ADGRV1: variants seen among roughly 807,000 people sequenced by gnomAD.
The protein encoded by ADGRV1 is G-protein coupled receptor 98.
In ADGRV1, 359 loss-of-function variants were observed where a neutral mutation model predicts 596.2. That is an observed-to-expected ratio of 0.60 (90% confidence interval 0.55 to 0.66). ADGRV1 has a LOEUF of 0.66. ADGRV1 is among the 30% of genes least tolerant of loss of function. The probability of loss-of-function intolerance (pLI) is 0.00; values close to 1 mark genes in which losing one functional copy is unlikely to be tolerated. For synonymous variants in ADGRV1, 2,681 were observed against 2,679.2 expected, an observed-to-expected ratio of 1.00 and a Z score of -0.02; for missense variants, 7,274 against 7,575.6, an observed-to-expected ratio of 0.96 and a Z score of 1.48.
At chr5:90,944,017 C>T (rs1776375324) in intron 83 of ADGRV1, among the ~76,000 whole-genome samples, 1 of 152,066 alleles carries the variant, frequency 6.6e-6, no homozygotes, top group Non-Finnish European at 1.5e-5. Context: ...ATTGTATTTA[C>T]TATATTTGTA....
chr5:91,032,624 A>C (rs1784573123), intron 85 of ADGRV1, among the ~76,000 whole-genome samples: 1 of 151,990 alleles, frequency 6.6e-6, no homozygotes, highest in Non-Finnish European at 1.5e-5. Flanking sequence ...TATATAATTT[A>C]TTCTTTCTTT....
intron 83 of ADGRV1, among the ~76,000 whole-genome samples, chr5:90,874,735 G>A (rs1241061970): frequency 1.3e-5 from 2 of 152,118 alleles, no homozygotes; most frequent in Admixed American, 6.5e-5. Flanking sequence ...GCATGCACCT[G>A]TAGTCTCAGC....
chr5:90,794,302 A>C (rs969908971), intron 70 of ADGRV1, among the ~76,000 whole-genome samples: 3 of 152,232 alleles, frequency 2.0e-5, no homozygotes, highest in Non-Finnish European at 4.4e-5. Flanking sequence ...TTCGAGTGTC[A>C]ACTGTTAGCA....
At chr5:90,870,369 T>C (rs2150492859) in intron 83 of ADGRV1, among the ~76,000 whole-genome samples, 1 of 152,152 alleles carries the variant, frequency 6.6e-6, no homozygotes, top group Non-Finnish European at 1.5e-5. Flanking sequence ...AGGTAGAACA[T>C]TGAAGGAAGA....
chr5:90,579,547 A>G (rs1270782525), intron 1 of ADGRV1, among the ~76,000 whole-genome samples: 2 of 152,198 alleles, frequency 1.3e-5, no homozygotes, highest in Admixed American at 1.3e-4. Context: ...ATTTTAGAAT[A>G]AGTGTGATGT....
chr5:90,675,864 CTAAT>C (rs1213119587), intron 24 of ADGRV1, among the ~76,000 whole-genome samples: 3 of 151,792 alleles, frequency 2.0e-5, no homozygotes, highest in African/African-American at 7.3e-5. Context: ...TCTACTTTAT[CTAAT>C]TAATTGGAGA....
chr5:90,795,770 G>A (rs1189386385), intron 70 of ADGRV1, among the ~76,000 whole-genome samples: 2 of 152,180 alleles, frequency 1.3e-5, no homozygotes, highest in Non-Finnish European at 2.9e-5. Context: ...TCTGGCAGGT[G>A]CCCCGCTGGG....
chr5:90,603,885 T>TACGTGCCTGCACACACGTGTGTGC (rs1175855065), intron 1 of ADGRV1, among the ~76,000 whole-genome samples: 6 of 125,740 alleles, frequency 4.8e-5, no homozygotes, highest in Non-Finnish European at 1.1e-4. Flanking sequence ...CATGTGTGTG[T>TACGTGCCTGCACACACGTGTGTGC]ACGTGCCTGC....
chr5:90,862,034 C>G (rs191148601), intron 82 of ADGRV1, among the ~76,000 whole-genome samples: 6 of 152,270 alleles, frequency 3.9e-5, no homozygotes, highest in African/African-American at 1.4e-4. Flanking sequence ...GAACTGCCAC[C>G]AGGTGTCATG....
intron 83 of ADGRV1, among the ~76,000 whole-genome samples, chr5:90,875,628 T>C (rs1258934878): frequency 6.6e-6 from 1 of 152,194 alleles, no homozygotes; most frequent in Non-Finnish European, 1.5e-5. Flanking sequence ...ACTAGCTTCC[T>C]GGGTCAGGTA....
At chr5:90,928,804 G>C (rs1296229195) in intron 83 of ADGRV1, among the ~76,000 whole-genome samples, 1 of 151,536 alleles carries the variant, frequency 6.6e-6, no homozygotes, top group Non-Finnish European at 1.5e-5. Context: ...GTACAGATGG[G>C]TTTTTGGTGT....
intron 82 of ADGRV1, among the ~76,000 whole-genome samples, chr5:90,858,585 C>T (rs150162789): frequency 1.9e-3 from 294 of 152,098 alleles, no homozygotes; most frequent in African/African-American, 4.1e-3. Flanking sequence ...TGGACTCAAG[C>T]GATCTTTCCA....
At position 90,853,505 on chromosome 5, in the gene ADGRV1, G is replaced by T; in HGVS notation, c.17426G>T (p.Gly5809Val). The T allele has an allele frequency of 6.2e-7, 1 of 1,612,112 alleles. No homozygotes were observed. The highest frequency in any genetic ancestry group is 8.5e-7 in the Non-Finnish European group (1 of 1,178,876). The change falls in exon 80 of 90, where the codon GGA becomes GTA. Residue 5809 changes from glycine (G) to valine (V), a missense_variant. Coordinates refer to ENST00000405460, the MANE Select transcript of ADGRV1 (RefSeq NM_032119.4). ...AGCAGCCAACAGTGGTTTATAAGTG[G>T]AAACAATCTTCCTACCCTAAAAAAT... ...EYSSQQWFISGNNLPTLKNKV... is the reference protein window; with the variant it reads ...EYSSQQWFISVNNLPTLKNKV...
intron 78 of ADGRV1, among the ~76,000 whole-genome samples, chr5:90,844,011 A>T (rs1185099675): frequency 6.6e-6 from 1 of 152,228 alleles, no homozygotes; most frequent in Non-Finnish European, 1.5e-5. Context: ...GTTAAGTTTG[A>T]ATTTCAGATA....
chr5:90,652,328 CTTTAA>C lies in ADGRV1; in HGVS notation c.3417-13_3417-9del. On this transcript the variant is annotated splice_polypyrimidine_tract_variant and intron_variant, in intron 18 of 89. Coordinates refer to ENST00000405460, the MANE Select transcript of ADGRV1 (RefSeq NM_032119.4). The stretch of plus-strand genomic sequence containing the variant: ...GTAAGATTCACTACTTATAAATTTT[CTTTAA>C]TTTATTTTGTAGGATTTTGAGGCAC... 1 of 1,523,770 alleles carries C rather than the reference CTTTAA, an allele frequency of 6.6e-7. No individual in the cohort carries two copies. The highest frequency in any genetic ancestry group is 8.9e-7 in the Non-Finnish European group (1 of 1,126,512). The allele number at this position is 1,523,770 out of a possible 1,614,324, so 94.4% of individuals were successfully genotyped here.
chr5:90,939,541 T>G (rs1173912859), intron 83 of ADGRV1, among the ~76,000 whole-genome samples: 1 of 152,188 alleles, frequency 6.6e-6, no homozygotes, highest in East Asian at 1.9e-4. Context: ...TGTGGATTAA[T>G]GTTACTGTAA....
intron 85 of ADGRV1, among the ~76,000 whole-genome samples, chr5:91,064,512 G>C (rs1232845129): frequency 6.6e-6 from 1 of 152,120 alleles, no homozygotes; most frequent in East Asian, 1.9e-4. Flanking sequence ...TACTTAATTA[G>C]TCTTAATTAT....
Position 90,828,811 on chromosome 5 carries a change from A to G in ADGRV1, c.16369-133A>G, listed in dbSNP as rs146847203. ...AGAATTTAATTCCGTAATTATACAG[A>G]ATATATCTCTAGATTTATATATTTA... On this transcript the variant is annotated intron_variant, in intron 76 of 89. Coordinates refer to ENST00000405460, the MANE Select transcript of ADGRV1 (RefSeq NM_032119.4). The G allele has an allele frequency of 3.4e-5, 17 of 501,380 alleles. No individual in the cohort carries two copies. The South Asian group carries it at 1.2e-3, about 34-fold the overall frequency. The allele number at this position is 501,380 out of a possible 1,614,324, so 31.1% of individuals were successfully genotyped here. A position where few individuals can be genotyped will look rare whatever the true frequency, so the allele number is the denominator to read the frequency against.
At chr5:90,770,622 GT>G (rs2150047765) in intron 59 of ADGRV1, among the ~76,000 whole-genome samples, 1 of 152,242 alleles carries the variant, frequency 6.6e-6, no homozygotes, top group Non-Finnish European at 1.5e-5. Flanking sequence ...GTCTCTGCCA[GT>G]TTAACTCAGA....
Sources: allele counts gnomAD v4.1 joint callset (sites outside exome capture counted in the v4.1 genomes callset), GRCh38; gene constraint gnomAD v4.1.1; transcripts MANE v1.5; gene names NCBI Gene and HGNC (gene_info 2026-07-23, HGNC 2026-07-21).